EPB41L4A: variants seen among roughly 807,000 people sequenced by gnomAD.
The protein encoded by EPB41L4A is band 4.1-like protein 4A.
EPB41L4A carries 100 observed loss-of-function variants against 108.6 expected under a neutral mutation model. The ratio of observed to expected loss-of-function variants is 0.92; its 90% confidence interval spans 0.78 to 1.09. EPB41L4A has a LOEUF of 1.09. EPB41L4A is among the 50% of genes least tolerant of loss of function. The probability of loss-of-function intolerance (pLI) is 0.00; values close to 1 mark genes in which losing one functional copy is unlikely to be tolerated. For synonymous variants in EPB41L4A, 319 were observed against 289.0 expected, an observed-to-expected ratio of 1.10 and a Z score of -1.05; for missense variants, 1,030 against 842.7, an observed-to-expected ratio of 1.22 and a Z score of -2.75.
At chr5:112,148,449 T>C (rs1457936617) in intron 12 of EPB41L4A, among the ~76,000 whole-genome samples, 1 of 151,840 alleles carries the variant, frequency 6.6e-6, no homozygotes, top group Non-Finnish European at 1.5e-5. Context: ...ATTACTTTAG[T>C]GACAGAACAG....
chr5:112,411,047 A>G (rs977643303), intron 1 of EPB41L4A, among the ~76,000 whole-genome samples: 11 of 152,158 alleles, frequency 7.2e-5, no homozygotes, highest in Non-Finnish European at 1.6e-4. Context: ...CTCATGTTCA[A>G]GTAGTTTGCA....
At chr5:112,195,963 A>G (rs1440554112) in intron 15 of EPB41L4A, among the ~76,000 whole-genome samples, 1 of 152,224 alleles carries the variant, frequency 6.6e-6, no homozygotes, top group African/African-American at 2.4e-5. Flanking sequence ...TGATGAGGTT[A>G]GTCTGCAGTT....
chr5:112,387,683 C>T (rs377421955), intron 1 of EPB41L4A, among the ~76,000 whole-genome samples: 14 of 152,168 alleles, frequency 9.2e-5, no homozygotes, highest in African/African-American at 3.4e-4. Flanking sequence ...TTCCTTTGAG[C>T]TGCAAAGTAA....
intron 15 of EPB41L4A, among the ~76,000 whole-genome samples, chr5:112,201,760 G>C (rs886659277): frequency 3.3e-5 from 5 of 152,086 alleles, no homozygotes; most frequent in African/African-American, 1.2e-4. Flanking sequence ...ACCAACTCTT[G>C]GTGTTCCCAA....
chr5:112,260,287 C>G (rs1249669273), intron 7 of EPB41L4A, among the ~76,000 whole-genome samples: 1 of 152,204 alleles, frequency 6.6e-6, no homozygotes, highest in Non-Finnish European at 1.5e-5. Context: ...TCAATCCTAG[C>G]AACATATTAA....
At chr5:112,314,538 A>AAAAAAAAAAAAG (rs1561563700) in intron 1 of EPB41L4A, among the ~76,000 whole-genome samples, 1 of 111,238 alleles carries the variant, frequency 9.0e-6, no homozygotes, top group African/African-American at 3.6e-5. Context: ...AAAAAAAAAA[A>AAAAAAAAAAAAG]GAAAAGAAAT....
At chr5:112,182,252 A>T (rs1370598272) in intron 18 of EPB41L4A, among the ~76,000 whole-genome samples, 1 of 152,130 alleles carries the variant, frequency 6.6e-6, no homozygotes, top group Non-Finnish European at 1.5e-5. Context: ...GCTGTATGTA[A>T]ATTTCACCTC....
chr5:112,369,331 C>A (rs1267073808), intron 1 of EPB41L4A, among the ~76,000 whole-genome samples: 2 of 152,174 alleles, frequency 1.3e-5, no homozygotes, highest in Admixed American at 6.5e-5. Flanking sequence ...AGCTTCCTGC[C>A]TCTAGTTTAA....
chr5:112,380,448 A>G (rs1760095571), intron 1 of EPB41L4A, among the ~76,000 whole-genome samples: 1 of 152,158 alleles, frequency 6.6e-6, no homozygotes, highest in African/African-American at 2.4e-5. Context: ...CTACAAAATG[A>G]TAAAATAACT....
chr5:112,202,603 A>T (rs1341364685), intron 15 of EPB41L4A, among the ~76,000 whole-genome samples: 1 of 152,124 alleles, frequency 6.6e-6, no homozygotes, highest in Non-Finnish European at 1.5e-5. Context: ...TTACCCTATT[A>T]TTCTGTCTAA....
At chr5:112,220,623 G>T (rs1412953091) in intron 12 of EPB41L4A, among the ~76,000 whole-genome samples, 6 of 152,158 alleles carry the variant, frequency 3.9e-5, no homozygotes, top group African/African-American at 1.4e-4. Context: ...GCCTCTGTGT[G>T]TTGCCCTCCC....
At chr5:112,158,407 A>T (rs73787782), downstream of EPB41L4A, 51,903 of 433,518 alleles carry the variant, frequency 0.12, 3,513 homozygotes, top group South Asian at 0.14. Flanking sequence ...TTACCTTTAA[A>T]TGAGGAAACT....
chr5:112,403,759 C>T (rs905595677), intron 1 of EPB41L4A, among the ~76,000 whole-genome samples: 3 of 152,178 alleles, frequency 2.0e-5, no homozygotes, highest in African/African-American at 2.4e-5. Flanking sequence ...TAAGGTACTG[C>T]GCGAGGCCTA....
intron 14 of EPB41L4A, 61 bp downstream of exon 14, chr5:112,205,360 G>A (rs987780833): frequency 8.1e-6 from 11 of 1,357,020 alleles, no homozygotes; most frequent in Non-Finnish European, 1.2e-5. Flanking sequence ...TTTATTCAAT[G>A]AGCTGCATGT....
At chr5:112,167,707 G>A (rs185070293) in intron 22 of EPB41L4A, among the ~76,000 whole-genome samples, 6 of 152,136 alleles carry the variant, frequency 3.9e-5, no homozygotes, top group East Asian at 1.9e-4. Flanking sequence ...GCCCAAACCC[G>A]TCTTTGACTT....
chr5:112,357,877 A>G lies in EPB41L4A; in HGVS notation c.100-50387T>C, dbSNP rs150441576. On this transcript the variant is annotated intron_variant, in intron 1 of 22. Coordinates refer to ENST00000261486, the MANE Select transcript of EPB41L4A (RefSeq NM_022140.5). Reference sequence around the variant, plus strand: ...AATTATTTTTGTCCCTTGTAAATGTACACCAAAGGCATCCACTACAGATGG... The same window carrying G: ...AATTATTTTTGTCCCTTGTAAATGTGCACCAAAGGCATCCACTACAGATGG... 1.6e-4 allele frequency among the ~76,000 whole-genome samples: 25 copies of G among 152,342 alleles called. No homozygotes were observed. In the East Asian group the frequency reaches 4.4e-3, roughly 27 times the overall value.
At chr5:112,210,091 T>A in intron 12 of EPB41L4A, 109 bp from the exon 13 acceptor site, 2 of 622,324 alleles carry the variant, frequency 3.2e-6, no homozygotes, top group Middle Eastern at 3.0e-4. Context: ...CTGTGGCACA[T>A]TTTATTGATA....
intron 2 of EPB41L4A, among the ~76,000 whole-genome samples, chr5:112,289,452 G>C (rs1310982517): frequency 6.6e-6 from 1 of 152,118 alleles, no homozygotes; most frequent in African/African-American, 2.4e-5. Context: ...AGTGGCAGGG[G>C]GTTTGGGGGG....
chr5:112,410,760 C>G (rs958810306), intron 1 of EPB41L4A, among the ~76,000 whole-genome samples: 4 of 152,154 alleles, frequency 2.6e-5, no homozygotes, highest in Admixed American at 2.0e-4. Flanking sequence ...GAGACTCATT[C>G]TAGCTAAAAG....
Sources: gnomAD v4.1 joint callset for allele counts (sites outside exome capture counted in the v4.1 genomes callset) on GRCh38, gnomAD v4.1.1 for gene constraint, MANE v1.5 for transcripts, NCBI Gene and HGNC (gene_info 2026-07-23, HGNC 2026-07-21) for gene names.